Variants in CLDN14 observed in about 807,000 individuals in gnomAD.
CLDN14 encodes the protein claudin 14.
In CLDN14, 2 loss-of-function variants were observed where a neutral mutation model predicts 2.1. The observed-to-expected ratio is 0.96, with a 90% confidence interval of 0.39 to 3.01. The LOEUF is 3.01. CLDN14 is among the 30% of genes most tolerant of loss of function. The pLI is 0.09. For missense variants in CLDN14, 298 were observed against 328.0 expected (o/e 0.91, Z 0.71); for synonymous variants, 136 against 154.4 (o/e 0.88, Z 0.88).
intron 1 of CLDN14, 69 bp from the exon 2 acceptor site, chr21:36,461,845 A>G: frequency 1.8e-6 from 2 of 1,116,022 alleles, no homozygotes; most frequent in South Asian, 1.6e-5. Flanking sequence ...TCATGCACTT[A>G]TTTCTGTCAC....
chr21:36,570,991 G>A (rs554460127), intron 1 of CLDN14, among the ~76,000 whole-genome samples: 175 of 152,148 alleles, frequency 1.2e-3, no homozygotes, highest in African/African-American at 4.0e-3. Flanking sequence ...ACAGGCACTC[G>A]CCACCACGCC....
intron 1 of CLDN14, among the ~76,000 whole-genome samples, chr21:36,547,450 G>A (rs1246418157): frequency 1.3e-5 from 2 of 152,146 alleles, no homozygotes; most frequent in Admixed American, 1.3e-4. Context: ...GTTGTGTAAA[G>A]AGACCAAAAA....
intron 1 of CLDN14, among the ~76,000 whole-genome samples, chr21:36,536,026 G>A (rs898095697): frequency 3.0e-4 from 46 of 152,198 alleles, no homozygotes; most frequent in African/African-American, 1.1e-3. Context: ...GGAGGAGAAC[G>A]CAGCCCTGCT....
At chr21:36,472,887 C>T (rs1038115830) in intron 1 of CLDN14, among the ~76,000 whole-genome samples, 5 of 152,290 alleles carry the variant, frequency 3.3e-5, no homozygotes, top group East Asian at 3.9e-4. Flanking sequence ...CCAAATGTCC[C>T]GTCTCCAAAT....
At chr21:36,520,159 A>C (rs1055705038) in intron 1 of CLDN14, among the ~76,000 whole-genome samples, 1 of 134,974 alleles carries the variant, frequency 7.4e-6, no homozygotes. Context: ...CATCTTTCTA[A>C]TCTCTGCCTC....
intron 1 of CLDN14, among the ~76,000 whole-genome samples, chr21:36,560,573 C>T (rs379699): frequency 0.75 from 113,489 of 152,074 alleles, 43,921 homozygotes; most frequent in Non-Finnish European, 0.87. Context: ...GTTGAACCGT[C>T]CTGGATTTCC....
chr21:36,485,120 C>T (rs897847850), upstream of CLDN14, among the ~76,000 whole-genome samples: 12 of 151,720 alleles, frequency 7.9e-5, no homozygotes, highest in Admixed American at 4.0e-4. Context: ...CTTCAATATG[C>T]ATTTTGGGGG....
rs1208857190 is a variant in CLDN14 at position 36,573,547 on chromosome 21, C to A, written c.-220+2864G>T. Among the ~76,000 whole-genome samples the A allele has an allele frequency of 2.0e-5, 3 of 152,198 alleles. No homozygotes were observed. The East Asian group carries it at 5.8e-4, about 29-fold the overall frequency. On this transcript the variant is annotated intron_variant, in intron 1 of 2. Coordinates refer to the CLDN14 transcript ENST00000342108. The stretch of plus-strand genomic sequence containing the variant: ...ATTATCCTCATCAAAACTATCAACA[C>A]CACTACTATAAAACTTTTAGAAGCA...
intron 1 of CLDN14, among the ~76,000 whole-genome samples, chr21:36,537,729 C>T (rs982325009): frequency 1.3e-5 from 2 of 150,092 alleles, no homozygotes; most frequent in African/African-American, 4.9e-5. Context: ...GGCTCACTGC[C>T]ACCTCCACTT....
intron 2 of CLDN14, among the ~76,000 whole-genome samples, chr21:36,505,254 C>A (rs2087122144): frequency 6.6e-6 from 1 of 152,148 alleles, no homozygotes. Context: ...TTTCATATTT[C>A]ATTTTTCCAG....
intron 1 of CLDN14, among the ~76,000 whole-genome samples, chr21:36,471,234 A>G (rs1036905375): frequency 6.6e-6 from 1 of 152,328 alleles, no homozygotes. Context: ...AAAACAAAAA[A>G]CAAAGCCATG....
chr21:36,562,536 C>G (rs2087643178), intron 1 of CLDN14, among the ~76,000 whole-genome samples: 1 of 152,160 alleles, frequency 6.6e-6, no homozygotes, highest in African/African-American at 2.4e-5. Flanking sequence ...AAGGAAAAGC[C>G]CCACCAAGTC....
intron 1 of CLDN14, among the ~76,000 whole-genome samples, chr21:36,545,683 C>T (rs541171391): frequency 6.6e-6 from 1 of 152,074 alleles, no homozygotes; most frequent in African/African-American, 2.4e-5. Context: ...TGTATTTGAC[C>T]ATTTATATCT....
chr21:36,556,137 CCTTT>C (rs1430304720), intron 1 of CLDN14, among the ~76,000 whole-genome samples: 1 of 152,112 alleles, frequency 6.6e-6, no homozygotes, highest in Non-Finnish European at 1.5e-5. Flanking sequence ...CCTCGGGGAC[CCTTT>C]CTTCTTCCAG....
At chr21:36,489,190 G>A (rs219734) in intron 2 of CLDN14, among the ~76,000 whole-genome samples, 73,873 of 128,796 alleles carry the variant, frequency 0.57, 25,209 homozygotes, top group Non-Finnish European at 0.77. Context: ...AGAATGGGGG[G>A]CGGGAGAGAG....
At chr21:36,554,618 G>T (rs1428096993) in intron 1 of CLDN14, among the ~76,000 whole-genome samples, 1 of 152,170 alleles carries the variant, frequency 6.6e-6, no homozygotes, top group African/African-American at 2.4e-5. Flanking sequence ...TAAGAAGCTT[G>T]CCCAGAGTCA....
At chr21:36,561,897 A>G (rs2087638343) in intron 1 of CLDN14, among the ~76,000 whole-genome samples, 1 of 152,154 alleles carries the variant, frequency 6.6e-6, no homozygotes, top group African/African-American at 2.4e-5. Flanking sequence ...GGCTCTTGGT[A>G]TGCCAGTGGG....
intron 1 of CLDN14, among the ~76,000 whole-genome samples, chr21:36,563,379 G>A (rs755092297): frequency 9.2e-5 from 14 of 151,928 alleles, no homozygotes; most frequent in Admixed American, 3.3e-4. Flanking sequence ...TTACCGTAGC[G>A]CTCTCTGTTA....
At chr21:36,522,352 T>C (rs148061075) in intron 1 of CLDN14, among the ~76,000 whole-genome samples, 1 of 152,356 alleles carries the variant, frequency 6.6e-6, no homozygotes, top group African/African-American at 2.4e-5. Flanking sequence ...TTGTGTGTCC[T>C]GACTTGGCGC....
Sources: allele counts gnomAD v4.1 joint callset (sites outside exome capture counted in the v4.1 genomes callset), GRCh38; gene constraint gnomAD v4.1.1; transcripts MANE v1.5; gene names NCBI Gene and HGNC (gene_info 2026-07-23, HGNC 2026-07-21).